The following ZMYM2 variants were observed in gnomAD, a reference collection of about 807,000 sequenced individuals.
The protein encoded by ZMYM2 is zinc finger MYM-type protein 2.
In ZMYM2, 56 loss-of-function variants were observed where a neutral mutation model predicts 162.8. That is an observed-to-expected ratio of 0.34 (90% CI 0.28 to 0.43). The LOEUF (loss-of-function observed/expected upper bound fraction) is 0.43. ZMYM2 is among the 20% of genes least tolerant of loss of function. The pLI is 1.00. For missense variants in ZMYM2, 1,275 were observed against 1,621.8 expected (o/e 0.79, Z 3.67); for synonymous variants, 510 against 541.6 (o/e 0.94, Z 0.81).
At chr13:19,897,516 G>A in the ZMYM2 span, among the ~76,000 whole-genome samples, 2 of 151,816 alleles carry the variant, frequency 1.3e-5, no homozygotes, top group South Asian at 2.1e-4. Flanking sequence ...GGCAGGCGCC[G>A]TGGCCTATGG....
intron 14 of ZMYM2, among the ~76,000 whole-genome samples, chr13:20,054,280 A>T (rs943121938): frequency 6.6e-6 from 1 of 152,240 alleles, no homozygotes; most frequent in African/African-American, 2.4e-5. Flanking sequence ...CATGTTGAAT[A>T]CTAAACGTGG....
intron 2 of ZMYM2, among the ~76,000 whole-genome samples, chr13:19,981,857 C>A (rs866345018): frequency 1.5e-5 from 1 of 67,056 alleles, no homozygotes; most frequent in African/African-American, 5.2e-5. Context: ...GTTCGTGGTG[C>A]ATGTCTAAAA....
chr13:20,082,249 T>TAA, intron 22 of ZMYM2, 119 bp downstream of exon 22: 1 of 763,298 alleles, frequency 1.3e-6, no homozygotes, highest in Non-Finnish European at 2.1e-6. Flanking sequence ...TCTGAACACT[T>TAA]ACTCGAGCTC....
intron 2 of ZMYM2, among the ~76,000 whole-genome samples, chr13:19,963,131 G>C (rs750787452): frequency 6.6e-5 from 10 of 152,172 alleles, no homozygotes; most frequent in African/African-American, 1.4e-4. Flanking sequence ...GAGCCACCGT[G>C]CCGGCCTGCA....
intron 7 of ZMYM2, 150 bp downstream of exon 7, chr13:20,019,768 C>CT: frequency 1.5e-6 from 1 of 671,890 alleles, no homozygotes; most frequent in Non-Finnish European, 2.6e-6. Context: ...TGTTTTATCT[C>CT]TGAGACATAG....
intron 9 of ZMYM2, among the ~76,000 whole-genome samples, chr13:20,030,138 C>G (rs1341534608): frequency 1.3e-5 from 2 of 151,738 alleles, no homozygotes; most frequent in Non-Finnish European, 2.9e-5. Context: ...AGTAAAATTC[C>G]TCTTATGAAT....
intron 12 of ZMYM2, among the ~76,000 whole-genome samples, chr13:20,043,752 C>T (rs1446448242): frequency 6.6e-6 from 1 of 152,016 alleles, no homozygotes; most frequent in Non-Finnish European, 1.5e-5. Flanking sequence ...GCAGGGTGCA[C>T]ACACACACGT....
intron 18 of ZMYM2, among the ~76,000 whole-genome samples, chr13:20,063,535 CT>C (rs1423120283): frequency 6.6e-6 from 1 of 150,898 alleles, no homozygotes; most frequent in Non-Finnish European, 1.5e-5. Flanking sequence ...AATCCCAGCA[CT>C]TTGGGAGGCC....
chr13:20,085,663 C>CT (rs1290751364), intron 24 of ZMYM2, among the ~76,000 whole-genome samples, 159 bp from the exon 25 acceptor site: 4 of 152,068 alleles, frequency 2.6e-5, no homozygotes, highest in Non-Finnish European at 5.9e-5. Flanking sequence ...CAGAAAATAA[C>CT]TTTGAGAATA....
intron 2 of ZMYM2, chr13:19,970,068 G>C: frequency 1.0e-6 from 1 of 985,308 alleles, no homozygotes; most frequent in Non-Finnish European, 1.2e-6. Context: ...GTCACGTAAA[G>C]AAGGTAATGT....
At chr13:19,917,152 C>T in the ZMYM2 span, among the ~76,000 whole-genome samples, 5 of 151,940 alleles carry the variant, frequency 3.3e-5, no homozygotes, top group East Asian at 2.0e-4. Flanking sequence ...TTAGTAGAGA[C>T]AGGGTTTCAC....
chr13:20,037,683 A>G (rs1045376290), intron 12 of ZMYM2, among the ~76,000 whole-genome samples: 1 of 152,208 alleles, frequency 6.6e-6, no homozygotes, highest in African/African-American at 2.4e-5. Flanking sequence ...TAGAGACCAG[A>G]AACATTTAAT....
the ZMYM2 span, among the ~76,000 whole-genome samples, chr13:19,885,600 G>A: frequency 2.3e-4 from 35 of 152,222 alleles, no homozygotes; most frequent in Non-Finnish European, 2.8e-4. Flanking sequence ...AGCACTTTGG[G>A]AGGCCGAGGC....
the ZMYM2 span, among the ~76,000 whole-genome samples, chr13:19,932,820 A>C: frequency 6.6e-6 from 1 of 152,102 alleles, no homozygotes; most frequent in African/African-American, 2.4e-5. Context: ...AACTGTAAGA[A>C]AATATTTTTG....
the ZMYM2 span, among the ~76,000 whole-genome samples, chr13:19,880,872 G>C: frequency 6.6e-6 from 1 of 151,196 alleles, no homozygotes; most frequent in African/African-American, 2.4e-5. Flanking sequence ...GAATCTTAAA[G>C]TTTTTTTGTT....
At chr13:20,005,015 G>T in intron 4 of ZMYM2, 59 bp from the exon 5 acceptor site, 1 of 1,400,724 alleles carries the variant, frequency 7.1e-7, no homozygotes, top group Non-Finnish European at 9.8e-7. Flanking sequence ...TGTCACTTAT[G>T]ACTCTTATAT....
the ZMYM2 span, among the ~76,000 whole-genome samples, chr13:19,937,502 C>T: frequency 1.4e-5 from 2 of 143,716 alleles, no homozygotes; most frequent in South Asian, 2.2e-4. Context: ...CTCGTTATGT[C>T]GCTCAAGCTT....
At chr13:19,869,307 ATTTCT>A in the ZMYM2 span, among the ~76,000 whole-genome samples, 2 of 152,172 alleles carry the variant, frequency 1.3e-5, no homozygotes, top group Admixed American at 6.6e-5. Context: ...ATTTTTATTG[ATTTCT>A]TTTTTTAACT....
intron 15 of ZMYM2, 89 bp downstream of exon 15, chr13:20,058,793 A>G: frequency 6.6e-7 from 1 of 1,523,172 alleles, no homozygotes; most frequent in Non-Finnish European, 9.0e-7. Flanking sequence ...CACCTCCAGG[A>G]TAGATTCATT....
Sources: allele counts gnomAD v4.1 joint callset (sites outside exome capture counted in the v4.1 genomes callset), GRCh38; gene constraint gnomAD v4.1.1; transcripts MANE v1.5; gene names NCBI Gene and HGNC (gene_info 2026-07-23, HGNC 2026-07-21).